PLXNA4: variants seen among roughly 807,000 people sequenced by gnomAD.
PLXNA4 encodes the protein plexin-A4.
A neutral mutation model predicts 191.8 loss-of-function variants in PLXNA4; 44 were observed. The observed-to-expected ratio is 0.23, with a 90% CI of 0.18 to 0.29. The LOEUF (loss-of-function observed/expected upper bound fraction) is 0.29. Among genes scored for constraint, PLXNA4 ranks in the 10% least tolerant of loss-of-function variants. The pLI is 1.00. For missense variants in PLXNA4, 1,800 were observed against 2,488.8 expected (o/e 0.72, Z 5.89); for synonymous variants, 1,082 against 1,009.5 (o/e 1.07, Z -1.36).
chr7:132,565,338 T>C (rs1421908132), intron 1 of PLXNA4, among the ~76,000 whole-genome samples: 30 of 152,158 alleles, frequency 2.0e-4, no homozygotes, highest in Admixed American at 1.7e-3. Flanking sequence ...GGCCAGTATA[T>C]AATACCTCTT....
At chr7:132,173,982 G>A (rs1252974996) in intron 21 of PLXNA4, among the ~76,000 whole-genome samples, 1 of 152,138 alleles carries the variant, frequency 6.6e-6, no homozygotes, top group Non-Finnish European at 1.5e-5. Context: ...CCTTAGTTTT[G>A]TCACCTGTAT....
At chr7:132,202,908 A>G (rs1195059006) in intron 11 of PLXNA4, 72 bp from the exon 12 acceptor site, 2 of 1,405,208 alleles carry the variant, frequency 1.4e-6, no homozygotes, top group Non-Finnish European at 1.9e-6. Context: ...CCAGAGAGAG[A>G]CAAAGAGTGC....
intron 3 of PLXNA4, among the ~76,000 whole-genome samples, chr7:132,443,172 G>A (rs1248144872): frequency 1.3e-5 from 2 of 152,172 alleles, no homozygotes; most frequent in African/African-American, 4.8e-5. Flanking sequence ...AAGAAGCTTT[G>A]CCCAACTGAG....
At chr7:132,327,532 G>T (rs17219431) in intron 3 of PLXNA4, among the ~76,000 whole-genome samples, 5,516 of 152,144 alleles carry the variant, frequency 0.036, 156 homozygotes, top group Middle Eastern at 0.068. Flanking sequence ...TAACTTGTCT[G>T]CCTGGAAAGC....
rs116965675 is a variant in PLXNA4, at chr7:132,543,232, G to A, written c.-87+33190C>T. On this transcript the variant is annotated intron_variant, in intron 1 of 31. Transcript: ENST00000321063. ...TTCTTAGCTACTCAAGGGATTCAAA[G>A]CCTGACTTCACAACTTGCAAAGGCT... 7.1e-3 allele frequency among the ~76,000 whole-genome samples: 1,082 copies of A among 152,272 alleles called. 3 individuals are homozygous for A. The highest frequency in any genetic ancestry group is 0.011 in the Non-Finnish European group (760 of 68,008).
intron 29 of PLXNA4, among the ~76,000 whole-genome samples, chr7:132,144,649 C>T (rs760813708): frequency 3.9e-5 from 6 of 152,150 alleles, no homozygotes; most frequent in East Asian, 3.9e-4. Flanking sequence ...TGGTTGCACA[C>T]GACACATCCT....
intron 2 of PLXNA4, among the ~76,000 whole-genome samples, chr7:132,637,333 T>C (rs1260160751): frequency 6.6e-6 from 1 of 152,194 alleles, no homozygotes; most frequent in Non-Finnish European, 1.5e-5. Context: ...GTAATTGAAG[T>C]GTGGTCTCTG....
chr7:132,297,245 G>T lies in PLXNA4; in HGVS notation c.1503+846C>A, dbSNP rs141838217. Among the ~76,000 whole-genome samples, 246 of 152,258 alleles carry T rather than the reference G, an allele frequency of 1.6e-3. 1 individual carries two copies. Among genetic ancestry groups the T allele is most frequent in the African/African-American group, 5.4e-3 (226 of 41,552 alleles). On this transcript the variant is annotated intron_variant, in intron 4 of 31. Transcript: ENST00000321063. ...GCATACATATTCATGGGATAGAGGG[G>T]CAGCTCCCGAGAATGACCCATCCTC...
intron 3 of PLXNA4, among the ~76,000 whole-genome samples, chr7:132,379,298 A>C (rs1804793899): frequency 6.6e-6 from 1 of 152,212 alleles, no homozygotes; most frequent in South Asian, 2.1e-4. Context: ...ATTAGCATCC[A>C]AAGGGTGATT....
chr7:132,205,029 C>T lies in PLXNA4; in HGVS notation c.2299-1610G>A, dbSNP rs1868779. On this transcript the variant is annotated intron_variant, in intron 10 of 31. Transcript: ENST00000321063. ...GGAGGAGTTTGCAACGTACCCCCGT[C>T]GTTGAATCTCTCGTTTGACCAATGG... Among the ~76,000 whole-genome samples the T allele has an allele frequency of 9.3e-3, 1,412 of 152,280 alleles. 26 individuals carry two copies. Among genetic ancestry groups the T allele is most frequent in the African/African-American group, 0.031 (1,303 of 41,544 alleles).
At chr7:132,562,783 C>T (rs1249518816) in intron 1 of PLXNA4, among the ~76,000 whole-genome samples, 2 of 114,130 alleles carry the variant, frequency 1.8e-5, no homozygotes, top group Non-Finnish European at 3.6e-5. Flanking sequence ...TCCTCCCCCT[C>T]TTCTTTCTCC....
upstream of PLXNA4, among the ~76,000 whole-genome samples, chr7:132,579,013 C>T (rs1203626901): frequency 6.6e-6 from 1 of 152,204 alleles, no homozygotes; most frequent in African/African-American, 2.4e-5. Flanking sequence ...AAATGCCTCT[C>T]TCTGCAAGAC....
At chr7:132,309,377 CAG>C (rs886322439) in intron 3 of PLXNA4, among the ~76,000 whole-genome samples, 2 of 152,068 alleles carry the variant, frequency 1.3e-5, no homozygotes, top group Admixed American at 1.3e-4. Flanking sequence ...TCTTCAAAAG[CAG>C]AGTCAGTGGC....
intron 8 of PLXNA4, among the ~76,000 whole-genome samples, chr7:132,223,862 C>T (rs913210286): frequency 6.6e-6 from 1 of 152,156 alleles, no homozygotes; most frequent in African/African-American, 2.4e-5. Flanking sequence ...TAGCTGACAA[C>T]CCCGTTCCCC....
chr7:132,474,860 C>T (rs1250108704), intron 3 of PLXNA4, among the ~76,000 whole-genome samples: 1 of 152,074 alleles, frequency 6.6e-6, no homozygotes, highest in Non-Finnish European at 1.5e-5. Flanking sequence ...TTGCCATCTT[C>T]TTAATTTGTT....
At chr7:132,313,515 C>T (rs1228626935) in intron 3 of PLXNA4, among the ~76,000 whole-genome samples, 3 of 152,084 alleles carry the variant, frequency 2.0e-5, no homozygotes, top group African/African-American at 7.2e-5. Flanking sequence ...GAAGGACAAA[C>T]TCTGGATTGT....
intron 25 of PLXNA4, among the ~76,000 whole-genome samples, chr7:132,152,781 A>G (rs564709664): frequency 6.6e-6 from 1 of 152,318 alleles, no homozygotes; most frequent in South Asian, 2.1e-4. Context: ...TGCTGAGCTC[A>G]GAGAGAGCTG....
At chr7:132,379,143 G>A (rs1306967505) in intron 3 of PLXNA4, among the ~76,000 whole-genome samples, 1 of 152,270 alleles carries the variant, frequency 6.6e-6, no homozygotes, top group East Asian at 1.9e-4. Flanking sequence ...GAGCAACCGT[G>A]CTCGGCCAGA....
intron 20 of PLXNA4, among the ~76,000 whole-genome samples, chr7:132,176,590 G>A (rs1268320488): frequency 7.2e-6 from 1 of 139,442 alleles, no homozygotes; most frequent in Non-Finnish European, 1.5e-5. Context: ...GACAGTGTGT[G>A]AGCATGTCAG....
Sources: allele counts gnomAD v4.1 joint callset (sites outside exome capture counted in the v4.1 genomes callset), GRCh38; gene constraint gnomAD v4.1.1; transcripts MANE v1.5; gene names NCBI Gene and HGNC (gene_info 2026-07-23, HGNC 2026-07-21).